The following ASIP variants were observed in gnomAD, a reference collection of about 807,000 sequenced individuals.
ASIP encodes the protein agouti-signaling protein.
A neutral mutation model predicts 10.3 loss-of-function variants in ASIP; 11 were observed. The observed-to-expected ratio is 1.07, with a 90% CI of 0.68 to 1.78. The LOEUF (loss-of-function observed/expected upper bound fraction) is 1.78. Among genes scored for constraint, ASIP ranks in the 40% most tolerant of loss-of-function variants. The pLI is 0.00. For missense variants in ASIP, 180 were observed against 169.2 expected (o/e 1.06, Z -0.35); for synonymous variants, 70 against 70.8 (o/e 0.99, Z 0.06).
At chr20:34,258,942 C>T (rs1044280706) in intron 1 of ASIP, among the ~76,000 whole-genome samples, 4 of 140,892 alleles carry the variant, frequency 2.8e-5, no homozygotes, top group Non-Finnish European at 6.0e-5. Context: ...ACAAATATGG[C>T]TGAGTGGTGG....
upstream of ASIP, among the ~76,000 whole-genome samples, chr20:34,241,190 G>C (rs898718367): frequency 1.3e-5 from 2 of 152,118 alleles, no homozygotes; most frequent in African/African-American, 2.4e-5. Context: ...ATATGAACTG[G>C]GTTGCTAGAG....
Position 34,215,508 on chromosome 20 carries a change from A to G in ASIP, c.-11+20748A>G, listed in dbSNP as rs201837471. 4.0e-5 allele frequency: 62 copies of G among 1,531,646 alleles called. No individual in the cohort carries two copies. The East Asian group carries it at 1.3e-3, about 31-fold the overall frequency. 94.9% of individuals were successfully genotyped at this position (1,531,646 alleles called of 1,614,324 possible). ...TTGGATTTAGGTCCACTACTGAGAG[A>G]ATGTCAAAAAAAAAACTTGGGCCAC... On this transcript the variant is annotated intron_variant, in intron 1 of 3. Coordinates refer to the ASIP transcript ENST00000568305.
intron 1 of ASIP, chr20:34,213,966 T>C (rs968175530): frequency 6.3e-7 from 1 of 1,577,480 alleles, no homozygotes; most frequent in Non-Finnish European, 8.6e-7. Flanking sequence ...GCATCAAATT[T>C]TCTAACAGAA....
At chr20:34,208,729 T>C (rs903870745) in intron 1 of ASIP, among the ~76,000 whole-genome samples, 1 of 152,220 alleles carries the variant, frequency 6.6e-6, no homozygotes, top group East Asian at 1.9e-4. Flanking sequence ...TTTAACAATA[T>C]TGATTCTTCC....
upstream of ASIP, among the ~76,000 whole-genome samples, chr20:34,238,469 T>C (rs1410714167): frequency 2.0e-5 from 3 of 152,198 alleles, no homozygotes; most frequent in Non-Finnish European, 4.4e-5. Flanking sequence ...TTTTGGTTAT[T>C]GTACTAATCA....
upstream of ASIP, among the ~76,000 whole-genome samples, chr20:34,190,390 G>A (rs532310807): frequency 2.0e-5 from 3 of 152,120 alleles, no homozygotes; most frequent in East Asian, 1.9e-4. Flanking sequence ...AAACCTTTCC[G>A]CCCACTCTAG....
chr20:34,247,489 G>A (rs146613448), intron 1 of ASIP, among the ~76,000 whole-genome samples: 170 of 151,494 alleles, frequency 1.1e-3, no homozygotes, highest in African/African-American at 4.0e-3. Flanking sequence ...TTGTAGAGAC[G>A]AGGTTTCATC....
At chr20:34,190,041 C>T (rs1028536759), upstream of ASIP, among the ~76,000 whole-genome samples, 3 of 152,224 alleles carry the variant, frequency 2.0e-5, no homozygotes, top group African/African-American at 7.2e-5. Context: ...AACAGCCTTT[C>T]TAACCCAGCG....
intron 1 of ASIP, among the ~76,000 whole-genome samples, chr20:34,197,622 GCA>G (rs1283645749): frequency 2.0e-5 from 3 of 152,190 alleles, no homozygotes; most frequent in Non-Finnish European, 2.9e-5. Context: ...CTGACTTAAA[GCA>G]GATACCTAGT....
chr20:34,221,528 C>T (rs928884541), intron 1 of ASIP, among the ~76,000 whole-genome samples: 1 of 151,996 alleles, frequency 6.6e-6, no homozygotes, highest in Admixed American at 6.6e-5. Flanking sequence ...CAGCAGGATA[C>T]GTATGTGGGC....
At chr20:34,238,043 A>G (rs1227775819), upstream of ASIP, among the ~76,000 whole-genome samples, 1 of 152,128 alleles carries the variant, frequency 6.6e-6, no homozygotes, top group African/African-American at 2.4e-5. Flanking sequence ...GTATGTGATG[A>G]GTCGCATCTC....
intron 1 of ASIP, among the ~76,000 whole-genome samples, chr20:34,209,128 A>G (rs1195990034): frequency 2.0e-5 from 3 of 152,196 alleles, no homozygotes; most frequent in Non-Finnish European, 4.4e-5. Flanking sequence ...TGCTCTGGCT[A>G]GGACTTGTAG....
chr20:34,207,671 A>G (rs1428240774), intron 1 of ASIP, among the ~76,000 whole-genome samples: 1 of 152,170 alleles, frequency 6.6e-6, no homozygotes, highest in African/African-American at 2.4e-5. Flanking sequence ...TCTTACACTT[A>G]AGTCTTTAAT....
At chr20:34,215,651 T>TC in intron 1 of ASIP, 1 of 1,463,296 alleles carries the variant, frequency 6.8e-7, no homozygotes, top group East Asian at 2.3e-5. Flanking sequence ...TATGAGCGTC[T>TC]CCCTAATTAG....
chr20:34,193,726 A>G (rs140643990), upstream of ASIP, among the ~76,000 whole-genome samples: 22 of 152,374 alleles, frequency 1.4e-4, no homozygotes, highest in African/African-American at 5.3e-4. Context: ...GTTTATCTGC[A>G]GTGTAGGCAG....
intron 1 of ASIP, among the ~76,000 whole-genome samples, chr20:34,210,709 GCAACAGTA>G (rs1278911697): frequency 1.3e-5 from 2 of 152,204 alleles, no homozygotes; most frequent in African/African-American, 4.8e-5. Context: ...CGAGGATCCT[GCAACAGTA>G]CTAGGTTGAA....
At chr20:34,260,332 C>T in intron 1 of ASIP, 33 bp from the exon 2 acceptor site, 1 of 1,593,170 alleles carries the variant, frequency 6.3e-7, no homozygotes, top group Non-Finnish European at 8.6e-7. Context: ...ACCCCTGACC[C>T]ACCCACCTGA....
At chr20:34,214,707 T>G in intron 1 of ASIP, 2 of 1,115,800 alleles carry the variant, frequency 1.8e-6, no homozygotes, top group Admixed American at 3.4e-5. Context: ...AGTTATATTC[T>G]TCATCATAAG....
the ASIP span, among the ~76,000 whole-genome samples, chr20:34,186,845 C>T: frequency 1.3e-5 from 2 of 152,072 alleles, no homozygotes; most frequent in East Asian, 1.9e-4. Flanking sequence ...GATGGAGTCT[C>T]GCTCTGTTGC....
Sources: allele counts gnomAD v4.1 joint callset (sites outside exome capture counted in the v4.1 genomes callset), GRCh38; gene constraint gnomAD v4.1.1; transcripts MANE v1.5; gene names NCBI Gene and HGNC (gene_info 2026-07-23, HGNC 2026-07-21).